The following RGL1 variants were observed in gnomAD, a reference collection of about 807,000 sequenced individuals.
The protein encoded by RGL1 is ral guanine nucleotide dissociation stimulator like 1.
In RGL1, 24 loss-of-function variants were observed where a neutral mutation model predicts 95.2. The ratio of observed to expected loss-of-function variants is 0.25; its 90% CI spans 0.18 to 0.35. The LOEUF (loss-of-function observed/expected upper bound fraction) is 0.35. Among genes scored for constraint, RGL1 ranks in the 10% least tolerant of loss-of-function variants. The probability of loss-of-function intolerance (pLI) is 1.00; values close to 1 mark genes in which losing one functional copy is unlikely to be tolerated. For missense variants in RGL1, 715 were observed against 936.3 expected (o/e 0.76, Z 3.08); for synonymous variants, 329 against 344.9 (o/e 0.95, Z 0.51).
chr1:183,740,484 C>T (rs893957743), intron 1 of RGL1, among the ~76,000 whole-genome samples: 1 of 152,168 alleles, frequency 6.6e-6, no homozygotes, highest in Non-Finnish European at 1.5e-5. Context: ...TCCGCTGACC[C>T]GTCACGCCTG....
chr1:183,730,247 T>A (rs993287217), intron 1 of RGL1, among the ~76,000 whole-genome samples: 2 of 152,188 alleles, frequency 1.3e-5, no homozygotes, highest in African/African-American at 4.8e-5. Flanking sequence ...TTGGGCACTG[T>A]GTCAGGCATT....
chr1:183,702,137 A>G (rs1234299239), intron 1 of RGL1, among the ~76,000 whole-genome samples: 1 of 152,196 alleles, frequency 6.6e-6, no homozygotes, highest in Non-Finnish European at 1.5e-5. Flanking sequence ...TTTTTATCTC[A>G]CTAAAGTAGG....
chr1:183,795,622 C>A (rs1036594003), intron 2 of RGL1, among the ~76,000 whole-genome samples: 1 of 152,300 alleles, frequency 6.6e-6, no homozygotes, highest in Non-Finnish European at 1.5e-5. Flanking sequence ...AGGGGCTAAC[C>A]TGGGCAAGGC....
intron 1 of RGL1, among the ~76,000 whole-genome samples, chr1:183,712,503 G>GCA (rs975881719): frequency 1.1e-4 from 17 of 152,308 alleles, no homozygotes; most frequent in African/African-American, 4.1e-4. Context: ...GAGAGTGTGT[G>GCA]TGTGTGCACG....
chr1:183,636,777 AT>A (rs778193897), intron 1 of RGL1, among the ~76,000 whole-genome samples: 7 of 152,234 alleles, frequency 4.6e-5, no homozygotes, highest in African/African-American at 1.7e-4. Flanking sequence ...ATTTAAAAAA[AT>A]ATTTGACATC....
Position 183,900,222 on chromosome 1 carries a change from C to G in RGL1, c.1303C>G (p.Gln435Glu), listed in dbSNP as rs1304367578. Residue 435 changes from glutamine to glutamate, a missense_variant, in exon 11 of 18, where the codon CAG becomes GAG. Coordinates refer to ENST00000360851, the MANE Select transcript of RGL1 (RefSeq NM_001297671.3). The part of the protein sequence containing the change: ...TDLTMLDTAL[Q>E]DYIEGGLINF... ...CCTGACCATGCTTGACACTGCCCTT[C>G]AGGACTACATCGAGGTGAGTTCCAT... 5 of 1,613,668 alleles carry G rather than the reference C, an allele frequency of 3.1e-6. No homozygotes were observed. Among genetic ancestry groups the G allele is most frequent in the Non-Finnish European group, 4.2e-6 (5 of 1,179,706 alleles).
chr1:183,668,019 GTGTGTGTC>G (rs766824139), intron 1 of RGL1, among the ~76,000 whole-genome samples: 2,305 of 109,110 alleles, frequency 0.021, 34 homozygotes, highest in African/African-American at 0.043. Flanking sequence ...GTGTGTGTGT[GTGTGTGTC>G]TGTGTGTAAT....
chr1:183,862,065 G>C (rs1200174777), intron 3 of RGL1, among the ~76,000 whole-genome samples: 1 of 152,050 alleles, frequency 6.6e-6, no homozygotes, highest in Non-Finnish European at 1.5e-5. Flanking sequence ...GGGATGGCCT[G>C]GCATGTTGGC....
chr1:183,900,087 AT>A, intron 10 of RGL1, 62 bp from the exon 11 acceptor site: 1 of 1,348,488 alleles, frequency 7.4e-7, no homozygotes, highest in Non-Finnish European at 1.1e-6. Context: ...CAGCTTGAAG[AT>A]TCCTAAAACC....
chr1:183,839,628 C>T (rs531934104), intron 2 of RGL1, among the ~76,000 whole-genome samples: 8 of 152,194 alleles, frequency 5.3e-5, no homozygotes, highest in Non-Finnish European at 5.9e-5. Context: ...CTGTCCTCCA[C>T]GTTGATTTCC....
chr1:183,636,935 T>C (rs900113969), intron 1 of RGL1, among the ~76,000 whole-genome samples: 4 of 152,196 alleles, frequency 2.6e-5, no homozygotes, highest in African/African-American at 7.2e-5. Context: ...TCCAGTTTAG[T>C]TGGACCTCGA....
intron 3 of RGL1, among the ~76,000 whole-genome samples, chr1:183,853,927 A>G (rs889828891): frequency 9.9e-5 from 15 of 152,108 alleles, no homozygotes; most frequent in African/African-American, 3.4e-4. Context: ...TCCTCCCTTC[A>G]CACAGTTGTG....
rs150367802 is a variant in RGL1, at chr1:183,849,482, A to AATTTTTT, written c.347+1708_347+1709insATTTTTT. Among the ~76,000 whole-genome samples the AATTTTTT allele has an allele frequency of 9.9e-3, 985 of 99,384 alleles. 13 individuals are homozygous for AATTTTTT. The highest frequency in any genetic ancestry group is 0.026 in the East Asian group (82 of 3,210). 65.2% of individuals were successfully genotyped at this position (99,384 alleles called of 152,430 possible). On this transcript the variant is annotated intron_variant, in intron 3 of 17. Coordinates refer to ENST00000360851, the MANE Select transcript of RGL1 (RefSeq NM_001297671.3). ...GACATTTAAGTTTTCTCCAGTTTTT[A>AATTTTTT]GTTTTTTTTTTTTTTTTTTTTTTTG...
At chr1:183,681,742 A>G (rs182972089) in intron 1 of RGL1, among the ~76,000 whole-genome samples, 42 of 152,316 alleles carry the variant, frequency 2.8e-4, no homozygotes, top group Non-Finnish European at 8.8e-5. Flanking sequence ...ATAGTTTCAG[A>G]CAGAATGATA....
chr1:183,834,010 G>T (rs1663456655), intron 2 of RGL1, among the ~76,000 whole-genome samples: 1 of 146,338 alleles, frequency 6.8e-6, no homozygotes, highest in Non-Finnish European at 1.5e-5. Flanking sequence ...TGAGGCTCAG[G>T]TAGCTTTGAA....
intron 17 of RGL1, among the ~76,000 whole-genome samples, chr1:183,923,219 T>G (rs1669413618): frequency 6.6e-6 from 1 of 152,168 alleles, no homozygotes; most frequent in Non-Finnish European, 1.5e-5. Context: ...CCCCTATAAG[T>G]GAGAAGCATT....
At chr1:183,720,928 A>T (rs755780327) in intron 1 of RGL1, among the ~76,000 whole-genome samples, 1 of 152,144 alleles carries the variant, frequency 6.6e-6, no homozygotes, top group African/African-American at 2.4e-5. Context: ...GAGAGCTCTG[A>T]TTGGGTGGTG....
chr1:183,637,981 CTT>C (rs1010931803), intron 1 of RGL1, among the ~76,000 whole-genome samples: 16 of 152,040 alleles, frequency 1.1e-4, no homozygotes, highest in Admixed American at 2.6e-4. Flanking sequence ...GGTGATTGTA[CTT>C]TTTCTTCTTT....
chr1:183,857,146 A>G (rs996748443), intron 3 of RGL1, among the ~76,000 whole-genome samples: 1 of 152,210 alleles, frequency 6.6e-6, no homozygotes, highest in Non-Finnish European at 1.5e-5. Flanking sequence ...AGATGGAGGC[A>G]GAAGACAGAG....
Sources: gnomAD v4.1 joint callset for allele counts (sites outside exome capture counted in the v4.1 genomes callset) on GRCh38, gnomAD v4.1.1 for gene constraint, MANE v1.5 for transcripts, NCBI Gene and HGNC (gene_info 2026-07-23, HGNC 2026-07-21) for gene names.